ONECUT2: variants seen among roughly 807,000 people sequenced by gnomAD.
ONECUT2 encodes the protein one cut homeobox 2.
In ONECUT2, 10 loss-of-function variants were observed where a neutral mutation model predicts 27.9. That is an observed-to-expected ratio of 0.36 (90% CI 0.22 to 0.61). The LOEUF (loss-of-function observed/expected upper bound fraction) is 0.61, where lower values mean the gene tolerates loss of function less well. ONECUT2 is among the 20% of genes least tolerant of loss of function. The probability of loss-of-function intolerance (pLI) is 0.73; values close to 1 mark genes in which losing one functional copy is unlikely to be tolerated. For synonymous variants in ONECUT2, 334 were observed against 315.1 expected (o/e 1.06, Z -0.64); for missense variants, 686 against 721.0 (o/e 0.95, Z 0.56).
chr18:57,439,743 G>A (rs533363767), intron 1 of ONECUT2, among the ~76,000 whole-genome samples: 4 of 152,332 alleles, frequency 2.6e-5, no homozygotes, highest in South Asian at 4.1e-4. Context: ...CGCTCCGCAG[G>A]CGGCTCGGCC....
chr18:57,447,892 C>G (rs926580863), intron 1 of ONECUT2, among the ~76,000 whole-genome samples: 1 of 152,158 alleles, frequency 6.6e-6, no homozygotes, highest in African/African-American at 2.4e-5. Context: ...TGATGAGGCT[C>G]TTTTTAATGA....
chr18:57,484,372 G>A lies in ONECUT2; in HGVS notation c.*7649G>A, dbSNP rs183023557. 2.0e-5 allele frequency: 3 copies of A among 152,608 alleles called. No individual in the cohort carries two copies. The East Asian group carries it at 5.8e-4, about 29-fold the overall frequency. 9.5% of individuals were successfully genotyped at this position (152,608 alleles called of 1,614,324 possible). A position where few individuals can be genotyped will look rare whatever the true frequency, so the allele number is the denominator to read the frequency against. Reference sequence around the variant, plus strand: ...GCTTGTGCTCTTTTATAATTTGAACGATTTTCTCTGACATATGGTATGTAC... The same window carrying A: ...GCTTGTGCTCTTTTATAATTTGAACAATTTTCTCTGACATATGGTATGTAC... On this transcript the variant is annotated 3_prime_UTR_variant, in exon 2 of 2. Transcript: ENST00000491143.
At chr18:57,453,122 C>A (rs929907390) in intron 1 of ONECUT2, among the ~76,000 whole-genome samples, 12 of 151,992 alleles carry the variant, frequency 7.9e-5, no homozygotes, top group Admixed American at 6.6e-5. Flanking sequence ...GTGAGTACAC[C>A]CCAGATCATG....
chr18:57,478,668 TTAAAGC>T lies in ONECUT2; in HGVS notation c.*1947_*1952del, dbSNP rs1316573089. 6.6e-6 allele frequency: 1 copy of T among 152,656 alleles called. No homozygotes were observed. Among genetic ancestry groups the T allele is most frequent in the Admixed American group, 6.5e-5 (1 of 15,290 alleles). The allele number at this position is 152,656 out of a possible 1,614,324, so 9.5% of individuals were successfully genotyped here. ...TCATTTGACAACTCACACGGTAATC[TTAAAGC>T]TGAAGATTGTCTTTAATTTGTGCCT... On this transcript the variant is annotated 3_prime_UTR_variant, in exon 2 of 2. Transcript: ENST00000491143.
intron 1 of ONECUT2, among the ~76,000 whole-genome samples, chr18:57,475,751 C>T (rs2050378742): frequency 6.6e-6 from 1 of 152,058 alleles, no homozygotes; most frequent in African/African-American, 2.4e-5. Flanking sequence ...CCCCCACCCT[C>T]ATCCCCTGTC....
rs1405663996 is a variant in ONECUT2, at chr18:57,436,494, C to T, written c.778C>T (p.Pro260Ser). 6.2e-7 allele frequency: 1 copy of T among 1,613,408 alleles called. No individual in the cohort carries two copies. Among genetic ancestry groups the T allele is most frequent in the East Asian group, 2.2e-5 (1 of 44,862 alleles). ...GPPGHDKMLS[P>S]NFDAHHTAML... Reference sequence around the variant, plus strand: ...GCCGGGCCACGACAAAATGCTCAGCCCCAACTTCGACGCGCACCACACTGC... The same window carrying T: ...GCCGGGCCACGACAAAATGCTCAGCTCCAACTTCGACGCGCACCACACTGC... The change falls in exon 1 of 2, where the codon CCC (proline) becomes TCC (serine). Residue 260 changes from proline (P) to serine (S), a missense_variant. Pro to Ser is a moderately conservative substitution (Grantham distance 74). Transcript: ENST00000491143. This position sits in a 1 kb window ranked among gnomAD's most constrained non-coding sequence, Gnocchi z 5.9.
Position 57,476,740 on chromosome 18 carries a change from T to C in ONECUT2, c.*17T>C. The C allele has an allele frequency of 1.2e-6, 2 of 1,611,878 alleles. No homozygotes were observed. The highest frequency in any genetic ancestry group is 1.7e-6 in the Non-Finnish European group (2 of 1,178,784). ...AAAGCATGATGGAAGGACTCTCACT[T>C]GGGCACAAGTCACCTCCAAATGAGG... is the stretch of plus-strand genomic sequence containing the variant. On this transcript the variant is annotated 3_prime_UTR_variant, in exon 2 of 2. Coordinates refer to ENST00000491143, the MANE Select transcript of ONECUT2 (RefSeq NM_004852.3).
chr18:57,438,849 A>C (rs935778620), intron 1 of ONECUT2, among the ~76,000 whole-genome samples: 1 of 152,178 alleles, frequency 6.6e-6, no homozygotes, highest in African/African-American at 2.4e-5. Flanking sequence ...GAGAGCGATA[A>C]TAATAGCGGC....
At position 57,489,573 on chromosome 18, in the gene ONECUT2, G is replaced by C. The variant is rs1263182677; in HGVS notation, c.*12850G>C. On this transcript the variant is annotated 3_prime_UTR_variant, in exon 2 of 2. Coordinates refer to ENST00000491143, the MANE Select transcript of ONECUT2 (RefSeq NM_004852.3). ...TTATCCCCCCATATCCTTTGCTTTG[G>C]TCCAGTTTGGCCTTTAGCATAAGAG... 6 of 152,034 alleles carry C rather than the reference G, an allele frequency of 3.9e-5. No individual in the cohort carries two copies. The highest frequency in any genetic ancestry group is 4.2e-4 in the South Asian group (2 of 4,816). 9.4% of individuals were successfully genotyped at this position (152,034 alleles called of 1,614,324 possible). A position where few individuals can be genotyped will look rare whatever the true frequency, so the allele number is the denominator to read the frequency against.
intron 1 of ONECUT2, among the ~76,000 whole-genome samples, chr18:57,473,497 A>ACGT (rs2050365315): frequency 6.6e-6 from 1 of 152,174 alleles, no homozygotes; most frequent in Non-Finnish European, 1.5e-5. Context: ...CAAAGAGGCT[A>ACGT]CGTAATTTGC....
In ONECUT2 at chr18:57,449,702, G is replaced by A. The variant is rs150727778; in HGVS notation, c.1228+12758G>A. ...CTCCTCGTTTTCCTGCTCAGGCATT[G>A]TCCTCACTGTCCTGTCCATGTCTTT... On this transcript the variant is annotated intron_variant, in intron 1 of 1. Coordinates refer to ENST00000491143, the MANE Select transcript of ONECUT2 (RefSeq NM_004852.3). Among the ~76,000 whole-genome samples the A allele has an allele frequency of 3.6e-3, 548 of 152,260 alleles. 1 individual carries two copies. The highest frequency in any genetic ancestry group is 6.0e-3 in the Non-Finnish European group (406 of 68,026).
At chr18:57,452,005 T>A (rs1157604409) in intron 1 of ONECUT2, among the ~76,000 whole-genome samples, 1 of 152,192 alleles carries the variant, frequency 6.6e-6, no homozygotes, top group African/African-American at 2.4e-5. Context: ...TTCTACCTCA[T>A]GCCATGTATT....
At chr18:57,462,449 G>A (rs554670468) in intron 1 of ONECUT2, among the ~76,000 whole-genome samples, 9 of 151,950 alleles carry the variant, frequency 5.9e-5, no homozygotes, top group Admixed American at 2.6e-4. Context: ...ATAGTGGTAC[G>A]ATCATAGCTC....
Position 57,476,756 on chromosome 18 carries a change from C to T in ONECUT2, c.*33C>T. The T allele has an allele frequency of 6.2e-7, 1 of 1,606,888 alleles. No individual in the cohort carries two copies. Among genetic ancestry groups the T allele is most frequent in the Non-Finnish European group, 8.5e-7 (1 of 1,176,186 alleles). On this transcript the variant is annotated 3_prime_UTR_variant, in exon 2 of 2. Coordinates refer to ENST00000491143, the MANE Select transcript of ONECUT2 (RefSeq NM_004852.3). Reference sequence around the variant, plus strand: ...ACTCTCACTTGGGCACAAGTCACCTCCAAATGAGGACAACAGATACCAAAA... The same window carrying T: ...ACTCTCACTTGGGCACAAGTCACCTTCAAATGAGGACAACAGATACCAAAA...
chr18:57,450,804 C>A (rs553886356), intron 1 of ONECUT2, among the ~76,000 whole-genome samples: 1 of 152,094 alleles, frequency 6.6e-6, no homozygotes, highest in Non-Finnish European at 1.5e-5. Context: ...TTGTTAATAA[C>A]GTAAAGTTAC....
chr18:57,444,272 A>C, intron 1 of ONECUT2: 1 of 446,182 alleles, frequency 2.2e-6, no homozygotes, highest in South Asian at 1.6e-5. Flanking sequence ...TAAGGATAGG[A>C]AACTAGGTTG....
chr18:57,471,014 C>T (rs1479022474), intron 1 of ONECUT2, among the ~76,000 whole-genome samples: 6 of 152,352 alleles, frequency 3.9e-5, no homozygotes, highest in South Asian at 2.1e-4. Context: ...TTACTGACCA[C>T]GCAGTCGGTG....
intron 1 of ONECUT2, among the ~76,000 whole-genome samples, chr18:57,451,116 T>G (rs906383265): frequency 6.6e-6 from 1 of 152,276 alleles, no homozygotes; most frequent in Admixed American, 6.5e-5. Context: ...CTATACATCT[T>G]ACGTGGAAAT....
intron 1 of ONECUT2, among the ~76,000 whole-genome samples, chr18:57,456,372 T>C (rs192247651): frequency 1.4e-3 from 212 of 152,324 alleles, no homozygotes; most frequent in Middle Eastern, 0.01. Flanking sequence ...AAACAAAATA[T>C]GGAGTTTTCA....
Sources: allele counts gnomAD v4.1 joint callset (sites outside exome capture counted in the v4.1 genomes callset), GRCh38; gene constraint gnomAD v4.1.1; non-coding constraint Gnocchi (gnomAD v3.1); transcripts MANE v1.5; gene names NCBI Gene and HGNC (gene_info 2026-07-23, HGNC 2026-07-21).